AGAP3: variants seen among roughly 807,000 people sequenced by gnomAD.
AGAP3 encodes arf-GAP with GTPase, ANK repeat and PH domain-containing protein 3.
AGAP3 carries 24 observed loss-of-function variants against 96.9 expected under a neutral mutation model. The observed-to-expected ratio is 0.25, with a 90% CI of 0.18 to 0.35. The LOEUF is 0.35. Ranked by LOEUF, AGAP3 falls within the 10% of genes least tolerant of loss-of-function variation. The probability of loss-of-function intolerance (pLI) is 1.00; values close to 1 mark genes in which losing one functional copy is unlikely to be tolerated. For synonymous variants in AGAP3, 563 were observed against 536.1 expected, an observed-to-expected ratio of 1.05 and a Z score of -0.69; for missense variants, 876 against 1,254.2, an observed-to-expected ratio of 0.70 and a Z score of 4.55.
intron 1 of AGAP3, among the ~76,000 whole-genome samples, chr7:151,107,452 G>A (rs895913250): frequency 8.6e-5 from 13 of 151,844 alleles, no homozygotes; most frequent in African/African-American, 2.7e-4. Flanking sequence ...TGGTGAAAGC[G>A]GTCTCTACAA....
At position 151,139,677 on chromosome 7, in the gene AGAP3, C is replaced by T. The variant is rs939929266; in HGVS notation, c.1667-302C>T. 6.5e-5 allele frequency: 17 copies of T among 261,756 alleles called. No individual in the cohort carries two copies. Among genetic ancestry groups the T allele is most frequent in the African/African-American group, 1.1e-4 (5 of 45,232 alleles). 16.2% of individuals were successfully genotyped at this position (261,756 alleles called of 1,614,324 possible). ...CGGAGCTGCTGGGGCTTCAGCTCCC[C>T]GTGAGTTCCCTGGGCTGCCTTCCAC... On this transcript the variant is annotated intron_variant, in intron 12 of 17. Transcript: ENST00000397238. The surrounding 1 kb of genome is among the most constrained non-coding windows in gnomAD (Gnocchi z 4.9).
At chr7:151,100,767 A>G (rs1798805147) in intron 1 of AGAP3, among the ~76,000 whole-genome samples, 1 of 152,232 alleles carries the variant, frequency 6.6e-6, no homozygotes, top group Non-Finnish European at 1.5e-5. Flanking sequence ...GCCTGAGCCC[A>G]GGAGGTTGAG....
chr7:151,116,287 A>G (rs989523998), intron 1 of AGAP3: 1 of 152,534 alleles, frequency 6.6e-6, no homozygotes, highest in African/African-American at 2.6e-5. Context: ...GAACAGGGCC[A>G]GGCCAGGCCA....
chr7:151,091,147 T>A (rs1449353998), intron 1 of AGAP3, among the ~76,000 whole-genome samples: 1 of 152,134 alleles, frequency 6.6e-6, no homozygotes, highest in African/African-American at 2.4e-5. Flanking sequence ...GGGTGGGCAC[T>A]CCCTGGCCGG....
chr7:151,104,525 A>G (rs984285121), intron 1 of AGAP3, among the ~76,000 whole-genome samples: 2 of 152,200 alleles, frequency 1.3e-5, no homozygotes, highest in African/African-American at 2.4e-5. Flanking sequence ...ATGAAAGAAG[A>G]GGAAATGCTT....
rs908656770 is a variant in AGAP3, at chr7:151,108,002, G to A, written c.332-8791G>A. On this transcript the variant is annotated intron_variant, in intron 1 of 17. Transcript: ENST00000397238. The surrounding 1 kb of genome is among the most constrained non-coding windows in gnomAD (Gnocchi z 4.2). ...GTGTAGGATCCTCTGGCACGGCACC[G>A]GCCCATGCGGGGGGTGCAGCACATG... Among the ~76,000 whole-genome samples the A allele has an allele frequency of 6.6e-5, 10 of 152,196 alleles. No individual in the cohort carries two copies. Among genetic ancestry groups the A allele is most frequent in the Admixed American group, 4.6e-4 (7 of 15,290 alleles).
At chr7:151,135,795 C>T (rs1800568887) in intron 11 of AGAP3, among the ~76,000 whole-genome samples, 1 of 152,232 alleles carries the variant, frequency 6.6e-6, no homozygotes, top group African/African-American at 2.4e-5. Context: ...AGATTATTGT[C>T]CCCATTTTAA....
Position 151,118,942 on chromosome 7 carries a change from G to A in AGAP3, c.969+310G>A, listed in dbSNP as rs370907849. On this transcript the variant is annotated intron_variant, in intron 7 of 17. Coordinates refer to ENST00000397238, the MANE Select transcript of AGAP3 (RefSeq NM_031946.7). This position sits in a 1 kb window ranked among gnomAD's most constrained non-coding sequence, Gnocchi z 6.1. Reference sequence around the variant, plus strand: ...GAAAGTCCTGGGCCATCCACAGGTGGCATGGTCAAGGCAGCAGCCACTGCA... The same window carrying A: ...GAAAGTCCTGGGCCATCCACAGGTGACATGGTCAAGGCAGCAGCCACTGCA... Among the ~76,000 whole-genome samples, 38 of 152,294 alleles carry A rather than the reference G, an allele frequency of 2.5e-4. No individual in the cohort carries two copies. In the East Asian group the frequency reaches 7.0e-3, roughly 28 times the overall value.
chr7:151,129,825 G>A (rs7777517), intron 10 of AGAP3, among the ~76,000 whole-genome samples: 61,050 of 152,090 alleles, frequency 0.4, 12,447 homozygotes, highest in Admixed American at 0.47. Flanking sequence ...GCCAAAGGGC[G>A]CTCTGCGGGT....
intron 1 of AGAP3, among the ~76,000 whole-genome samples, chr7:151,102,156 T>C (rs751419748): frequency 9.2e-5 from 14 of 152,110 alleles, no homozygotes; most frequent in Non-Finnish European, 1.8e-4. Flanking sequence ...GCATCTCGAC[T>C]CAGGAGCATC....
Position 151,143,474 on chromosome 7 carries a change from A to T in AGAP3, c.2407A>T (p.Met803Leu), listed in dbSNP as rs1444250144. ...GGAAGATGACCTGCGGCTGTTGGTG[A>T]TGCTCCTGGCACATGGCTCCAAAGA... ...VVEDDLRLLV[M>L]LLAHGSKEEV... is the part of the protein sequence containing the mutation. Residue 803 changes from methionine to leucine, a missense_variant, in exon 17 of 18, where the codon ATG (methionine) becomes TTG (leucine). Around this residue, in one of 8 missense-constraint regions of AGAP3, gnomAD observed 213 missense variants for 253.8 expected, o/e 0.84. Coordinates refer to ENST00000397238, the MANE Select transcript of AGAP3 (RefSeq NM_031946.7). This position sits in a 1 kb window ranked among gnomAD's most constrained non-coding sequence, Gnocchi z 5.9. 1.2e-6 allele frequency: 2 copies of T among 1,614,124 alleles called. No homozygotes were observed.
intron 8 of AGAP3, chr7:151,120,926 G>A (rs374170688): frequency 9.5e-6 from 9 of 945,022 alleles, no homozygotes; most frequent in Middle Eastern, 5.1e-4. Context: ...TCCTCCAGCC[G>A]GGCTTGGCTG....
Position 151,138,309 on chromosome 7 carries a change from C to T in AGAP3, c.1662C>T (p.His554=), listed in dbSNP as rs1449635776. The T allele has an allele frequency of 6.8e-6, 11 of 1,609,698 alleles. No homozygotes were observed. The highest frequency in any genetic ancestry group is 8.5e-6 in the Non-Finnish European group (10 of 1,177,854). Residue 554 remains histidine, a synonymous_variant, in exon 12 of 18, where the codon CAC becomes CAT. Transcript: ENST00000397238. ...CTTCCCTGCCCCCAGGCATGCAGCA[C>T]CCTGGTGAGTGGTGGCTCTGCTGCT... is the stretch of plus-strand genomic sequence containing the variant. ...ATTSLPPGMQ[H]PASGPAEVLS... is the part of the protein sequence containing the mutation.
At chr7:151,098,403 T>C (rs1000048481) in intron 1 of AGAP3, among the ~76,000 whole-genome samples, 1 of 150,666 alleles carries the variant, frequency 6.6e-6, no homozygotes, top group Non-Finnish European at 1.5e-5. Context: ...AGATAACACA[T>C]GGGACTGGGT....
rs1474758061 is a variant in AGAP3, at chr7:151,114,251, G to A, written c.332-2542G>A. Among the ~76,000 whole-genome samples the A allele has an allele frequency of 5.3e-5, 8 of 152,238 alleles. No individual in the cohort carries two copies. ...GCGTGCTGCAGACGAGGACACGCGC[G>A]CAGACCCGGCATGGCTGCCTCTGAC... On this transcript the variant is annotated intron_variant, in intron 1 of 17. Transcript: ENST00000397238. The surrounding 1 kb of genome is among the most constrained non-coding windows in gnomAD (Gnocchi z 4.4).
At chr7:151,126,835 A>G (rs1800199158) in intron 9 of AGAP3, among the ~76,000 whole-genome samples, 1 of 152,220 alleles carries the variant, frequency 6.6e-6, no homozygotes, top group African/African-American at 2.4e-5. Context: ...GCTAGTTTTC[A>G]GAAACCCCTT....
At chr7:151,111,502 C>A (rs1391243569) in intron 1 of AGAP3, among the ~76,000 whole-genome samples, 1 of 152,186 alleles carries the variant, frequency 6.6e-6, no homozygotes, top group African/African-American at 2.4e-5. Context: ...TCCTCAGGAC[C>A]AGCTTTCTCT....
At position 151,143,290 on chromosome 7, in the gene AGAP3, G is replaced by C. The variant is rs368378760; in HGVS notation, c.2274-51G>C. 195 of 1,554,546 alleles carry C rather than the reference G, an allele frequency of 1.3e-4. No individual in the cohort carries two copies. Among genetic ancestry groups the C allele is most frequent in the Non-Finnish European group, 1.6e-4 (189 of 1,148,224 alleles). The stretch of plus-strand genomic sequence containing the variant: ...CCTGCCCACCTTCCTGGCCCCACCC[G>C]TTGCTCGGTGACCTTCCTTGGCTCA... On this transcript the variant is annotated intron_variant, in intron 16 of 17. Transcript: ENST00000397238. The surrounding 1 kb of genome is among the most constrained non-coding windows in gnomAD (Gnocchi z 5.9).
chr7:151,094,643 T>A (rs909316018), intron 1 of AGAP3, among the ~76,000 whole-genome samples: 1 of 152,210 alleles, frequency 6.6e-6, no homozygotes, highest in Non-Finnish European at 1.5e-5. Flanking sequence ...ATTCTGTACA[T>A]ATCCTTTATT....
Sources: allele counts gnomAD v4.1 joint callset (sites outside exome capture counted in the v4.1 genomes callset), GRCh38; gene constraint gnomAD v4.1.1; regional missense constraint gnomAD v4.1.1; non-coding constraint Gnocchi (gnomAD v3.1); transcripts MANE v1.5; gene names NCBI Gene and HGNC (gene_info 2026-07-23, HGNC 2026-07-21).